Variants in GDPD4 observed in about 807,000 individuals in gnomAD.
GDPD4 encodes glycerophosphodiester phosphodiesterase domain containing 4, also known as glycerophosphodiester phosphodiesterase 6.
In GDPD4, 60 loss-of-function variants were observed where a neutral mutation model predicts 67.8. That is an observed-to-expected ratio of 0.88 (90% CI 0.72 to 1.10). The LOEUF (loss-of-function observed/expected upper bound fraction) is 1.10. GDPD4 is among the 50% of genes least tolerant of loss of function. The pLI is 0.00. For missense variants in GDPD4, 623 were observed against 613.9 expected, an observed-to-expected ratio of 1.01 and a Z score of -0.16; for synonymous variants, 212 against 210.9, an observed-to-expected ratio of 1.00 and a Z score of -0.04.
chr11:77,239,553 T>G (rs1484988040), intron 13 of GDPD4, among the ~76,000 whole-genome samples: 2 of 152,176 alleles, frequency 1.3e-5, no homozygotes, highest in South Asian at 2.1e-4. Flanking sequence ...AACAACTACC[T>G]AACTGATGAA....
chr11:77,251,278 T>C (rs55845466), intron 11 of GDPD4, among the ~76,000 whole-genome samples: 3,694 of 152,274 alleles, frequency 0.024, 162 homozygotes, highest in African/African-American at 0.084. Context: ...GATTTTTTTT[T>C]CTCTCTCTCC....
chr11:77,273,188 T>C (rs1959298167), intron 5 of GDPD4, among the ~76,000 whole-genome samples: 1 of 152,192 alleles, frequency 6.6e-6, no homozygotes, highest in South Asian at 2.1e-4. Context: ...CATTTGCTTC[T>C]CTCTGGGCAT....
chr11:77,261,956 G>C (rs986813686), intron 10 of GDPD4, among the ~76,000 whole-genome samples: 12 of 152,308 alleles, frequency 7.9e-5, no homozygotes, highest in African/African-American at 2.9e-4. Context: ...GGCAAAACAA[G>C]TGGTATCTGC....
At chr11:77,224,354 G>C (rs1272102406) in intron 16 of GDPD4, 7 of 152,186 alleles carry the variant, frequency 4.6e-5, no homozygotes, top group African/African-American at 1.4e-4. Flanking sequence ...TACCTCTCTT[G>C]ATTAGGTTAT....
At chr11:77,290,640 T>C (rs1937741027) in intron 1 of GDPD4, among the ~76,000 whole-genome samples, 1 of 152,104 alleles carries the variant, frequency 6.6e-6, no homozygotes, top group Admixed American at 6.5e-5. Flanking sequence ...CTTATACCAA[T>C]AAACATTTAC....
chr11:77,294,888 G>C (rs1330901627), intron 1 of GDPD4, among the ~76,000 whole-genome samples: 2 of 151,324 alleles, frequency 1.3e-5, no homozygotes, highest in Non-Finnish European at 2.9e-5. Flanking sequence ...ATGGAGAAAG[G>C]ACAGGTTTTT....
At chr11:77,272,994 G>A (rs555729865) in intron 5 of GDPD4, among the ~76,000 whole-genome samples, 1 of 152,038 alleles carries the variant, frequency 6.6e-6, no homozygotes, top group Non-Finnish European at 1.5e-5. Context: ...TATAACTCTA[G>A]CCAGTCAATA....
chr11:77,279,367 A>G lies in GDPD4; in HGVS notation c.86T>C (p.Phe29Ser). 1 of 1,612,244 alleles carries G rather than the reference A, an allele frequency of 6.2e-7. No homozygotes were observed. Among genetic ancestry groups the G allele is most frequent in the Non-Finnish European group, 8.5e-7 (1 of 1,178,446 alleles). The change falls in exon 4 of 17, where the codon TTC becomes TCC. Residue 29 changes from phenylalanine (F) to serine (S), a missense_variant. Coordinates refer to ENST00000315938, the MANE Select transcript of GDPD4 (RefSeq NM_182833.3). ...TAAACTCAGAATAAAAATAGACCAGAAAAACCAGTATCCTGTTCCTAGAAA... is the reference window on the plus strand; with the variant it reads ...TAAACTCAGAATAAAAATAGACCAGGAAAACCAGTATCCTGTTCCTAGAAA... Reference protein sequence around the residue: ...VTFLGTGYWFFWSIFILSLAR... With the variant: ...VTFLGTGYWFSWSIFILSLAR...
intron 1 of GDPD4, among the ~76,000 whole-genome samples, chr11:77,294,505 G>A (rs1046330054): frequency 3.9e-5 from 6 of 152,080 alleles, no homozygotes; most frequent in African/African-American, 9.7e-5. Flanking sequence ...ACAATACTGA[G>A]TCTTCTAATC....
At chr11:77,245,160 G>A in intron 12 of GDPD4, 121 bp downstream of exon 12, 1 of 701,600 alleles carries the variant, frequency 1.4e-6, no homozygotes, top group Non-Finnish European at 2.5e-6. Flanking sequence ...ATTTCCATAG[G>A]AAGTAAAATT....
At chr11:77,292,685 T>TA (rs1324817211) in intron 1 of GDPD4, among the ~76,000 whole-genome samples, 1 of 152,010 alleles carries the variant, frequency 6.6e-6, no homozygotes, top group African/African-American at 2.4e-5. Flanking sequence ...ACAAAACTAA[T>TA]AAATTTCCAA....
intron 3 of GDPD4, among the ~76,000 whole-genome samples, chr11:77,284,861 CTAAGTA>C (rs908133466): frequency 2.6e-5 from 4 of 152,150 alleles, no homozygotes; most frequent in Non-Finnish European, 4.4e-5. Flanking sequence ...CAGATTTAGT[CTAAGTA>C]TGAGACTGAG....
intron 11 of GDPD4, among the ~76,000 whole-genome samples, chr11:77,257,061 T>C (rs1959015663): frequency 1.3e-5 from 2 of 152,200 alleles, no homozygotes; most frequent in Non-Finnish European, 1.5e-5. Flanking sequence ...TAAAATTCCA[T>C]TCCACCAGTA....
At chr11:77,221,757 G>A (rs1045806382) in intron 16 of GDPD4, among the ~76,000 whole-genome samples, 1 of 145,216 alleles carries the variant, frequency 6.9e-6, no homozygotes, top group Non-Finnish European at 1.5e-5. Context: ...TCCGCTGGGT[G>A]CAGAGCTGAG....
chr11:77,280,644 C>T (rs561817177), intron 3 of GDPD4, among the ~76,000 whole-genome samples: 2 of 152,166 alleles, frequency 1.3e-5, no homozygotes, highest in East Asian at 3.8e-4. Context: ...TTTTGGATAT[C>T]AGATCACATG....
At chr11:77,298,456 G>C (rs544123360) in intron 1 of GDPD4, among the ~76,000 whole-genome samples, 1 of 152,170 alleles carries the variant, frequency 6.6e-6, no homozygotes, top group Non-Finnish European at 1.5e-5. Flanking sequence ...AGATTGCAGT[G>C]AGCAGAGATG....
intron 11 of GDPD4, among the ~76,000 whole-genome samples, chr11:77,249,349 A>T (rs1273869635): frequency 6.6e-6 from 1 of 152,094 alleles, no homozygotes; most frequent in Non-Finnish European, 1.5e-5. Context: ...TGTTTTTCGA[A>T]GCCTCAGAAG....
At chr11:77,298,380 C>T (rs568466728) in intron 1 of GDPD4, among the ~76,000 whole-genome samples, 183 of 152,204 alleles carry the variant, frequency 1.2e-3, no homozygotes, top group Non-Finnish European at 2.1e-3. Context: ...GGTGTGGTGG[C>T]GCACGCCTGT....
At chr11:77,239,929 T>C (rs187926378) in intron 13 of GDPD4, among the ~76,000 whole-genome samples, 201 of 147,956 alleles carry the variant, frequency 1.4e-3, no homozygotes, top group African/African-American at 4.7e-3. Context: ...GCCACTGCAC[T>C]CCAGCCTAGA....
Sources: gnomAD v4.1 joint callset for allele counts (sites outside exome capture counted in the v4.1 genomes callset) on GRCh38, gnomAD v4.1.1 for gene constraint, MANE v1.5 for transcripts, NCBI Gene and HGNC (gene_info 2026-07-23, HGNC 2026-07-21) for gene names.